The following C3orf20 variants were observed in gnomAD, a reference collection of about 807,000 sequenced individuals.
C3orf20 encodes the protein family with sequence similarity 149 member C, also known as uncharacterized protein C3orf20.
C3orf20 carries 76 observed loss-of-function variants against 88.3 expected under a neutral mutation model. The ratio of observed to expected loss-of-function variants is 0.86; its 90% CI spans 0.72 to 1.04. The LOEUF is 1.04. Ranked by LOEUF, C3orf20 falls within the 50% of genes least tolerant of loss-of-function variation. The pLI, the probability that C3orf20 is intolerant of heterozygous loss-of-function variation, is 0.00. For missense variants in C3orf20, 1,056 were observed against 1,123.3 expected (o/e 0.94, Z 0.86); for synonymous variants, 436 against 437.4 (o/e 1.00, Z 0.04).
intron 1 of C3orf20, among the ~76,000 whole-genome samples, chr3:14,677,211 T>G (rs867893661): frequency 2.0e-5 from 3 of 152,324 alleles, no homozygotes; most frequent in South Asian, 2.1e-4. Flanking sequence ...CTTAGTTTGA[T>G]TGTCTTCTTA....
intron 12 of C3orf20, among the ~76,000 whole-genome samples, chr3:14,739,461 C>T (rs562422544): frequency 2.0e-5 from 3 of 152,274 alleles, no homozygotes; most frequent in Admixed American, 1.3e-4. Context: ...CTTCATTGTT[C>T]CATTTATATA....
intron 15 of C3orf20, among the ~76,000 whole-genome samples, chr3:14,766,698 G>A (rs1399099719): frequency 6.6e-6 from 1 of 152,234 alleles, no homozygotes; most frequent in East Asian, 1.9e-4. Flanking sequence ...GACTGGACTT[G>A]TGACAGTGGT....
chr3:14,771,183 G>A (rs2035850455), intron 15 of C3orf20, among the ~76,000 whole-genome samples: 1 of 152,244 alleles, frequency 6.6e-6, no homozygotes, highest in Admixed American at 6.5e-5. Context: ...GTGAAGTTAT[G>A]AGAACACAGC....
intron 1 of C3orf20, among the ~76,000 whole-genome samples, chr3:14,679,481 G>A (rs2031964181): frequency 6.6e-6 from 1 of 152,206 alleles, no homozygotes; most frequent in Non-Finnish European, 1.5e-5. Context: ...TTGAGTGCTG[G>A]TGTGGGTGCC....
In C3orf20 at chr3:14,736,835, G is replaced by A. The variant is rs375679044; in HGVS notation, c.1940+8147G>A. Among the ~76,000 whole-genome samples the A allele has an allele frequency of 1.2e-4, 18 of 152,120 alleles. No homozygotes were observed. In the East Asian group the frequency reaches 1.4e-3, roughly 11 times the overall value. On this transcript the variant is annotated intron_variant, in intron 12 of 16. Transcript: ENST00000253697. The stretch of plus-strand genomic sequence containing the variant: ...ACCTGCCTCAGCCTCCCAAAGTGCT[G>A]AGATTACAGGTGTGAGCCACTGTGC...
At chr3:14,750,644 A>G (rs2035193134) in intron 12 of C3orf20, among the ~76,000 whole-genome samples, 1 of 151,610 alleles carries the variant, frequency 6.6e-6, no homozygotes, top group East Asian at 1.9e-4. Context: ...ACTGCCTTCT[A>G]GCAGCCAAAA....
intron 15 of C3orf20, among the ~76,000 whole-genome samples, chr3:14,763,047 T>G (rs1223452918): frequency 6.6e-6 from 1 of 152,072 alleles, no homozygotes; most frequent in African/African-American, 2.4e-5. Context: ...GGGAGAGGGC[T>G]TGGTGGTCCT....
At chr3:14,726,739 G>T (rs1382293315) in intron 10 of C3orf20, among the ~76,000 whole-genome samples, 162 bp from the exon 11 acceptor site, 1 of 152,192 alleles carries the variant, frequency 6.6e-6, no homozygotes, top group East Asian at 1.9e-4. Flanking sequence ...CTGTGTGCAG[G>T]AACTCACTGG....
intron 9 of C3orf20, among the ~76,000 whole-genome samples, chr3:14,719,692 G>A (rs2124970984): frequency 6.6e-6 from 1 of 152,280 alleles, no homozygotes; most frequent in African/African-American, 2.4e-5. Context: ...GTTTGGGGGA[G>A]AGAAAGAAAA....
chr3:14,728,700 C>T lies in C3orf20; in HGVS notation c.1940+12C>T. On this transcript the variant is annotated intron_variant, in intron 12 of 16. Coordinates refer to ENST00000253697, the MANE Select transcript of C3orf20 (RefSeq NM_032137.5). ...AAGGTCACATCCAGGTTGGCTTGGT[C>T]CTTCACGTCTTCCGCAGCATCGGGT... 1 of 1,611,748 alleles carries T rather than the reference C, an allele frequency of 6.2e-7. No individual in the cohort carries two copies.
chr3:14,703,401 GTA>G lies in C3orf20; in HGVS notation c.878+140_878+141del. On this transcript the variant is annotated intron_variant, in intron 6 of 16. Coordinates refer to ENST00000253697, the MANE Select transcript of C3orf20 (RefSeq NM_032137.5). Reference sequence around the variant, plus strand: ...GCCACCTGGGAGCGTGGGTTATGTGGTACTCCCCACGACAGCCACAGGTGCAG... The same window carrying G: ...GCCACCTGGGAGCGTGGGTTATGTGGCTCCCCACGACAGCCACAGGTGCAG... The G allele has an allele frequency of 5.0e-6, 7 of 1,397,372 alleles. No individual in the cohort carries two copies. In the South Asian group the frequency reaches 9.3e-5, roughly 19 times the overall value. The allele number at this position is 1,397,372 out of a possible 1,614,324, so 86.6% of individuals were successfully genotyped here.
At chr3:14,736,197 A>G (rs1033121804) in intron 12 of C3orf20, among the ~76,000 whole-genome samples, 2 of 151,706 alleles carry the variant, frequency 1.3e-5, no homozygotes, top group Admixed American at 6.6e-5. Context: ...TCATGCTTCC[A>G]TTTGGGATCA....
chr3:14,732,200 T>C (rs1052013707), intron 12 of C3orf20, among the ~76,000 whole-genome samples: 1 of 152,258 alleles, frequency 6.6e-6, no homozygotes, highest in Admixed American at 6.5e-5. Flanking sequence ...AGACATGTGG[T>C]AATATCCCAT....
At chr3:14,704,210 G>T in intron 6 of C3orf20, 127 bp from the exon 7 acceptor site, 1 of 942,100 alleles carries the variant, frequency 1.1e-6, no homozygotes. Context: ...AGCATGGGTT[G>T]GGGATGTGTA....
At chr3:14,750,634 A>G (rs2035192899) in intron 12 of C3orf20, among the ~76,000 whole-genome samples, 1 of 151,476 alleles carries the variant, frequency 6.6e-6, no homozygotes, top group Non-Finnish European at 1.5e-5. Context: ...ATGTCCGCCC[A>G]CTGCCTTCTA....
chr3:14,750,998 C>A (rs1452500934), intron 12 of C3orf20, among the ~76,000 whole-genome samples: 6 of 152,008 alleles, frequency 3.9e-5, no homozygotes, highest in Admixed American at 3.9e-4. Flanking sequence ...ATTCTTTTTT[C>A]TTTCTACTCC....
chr3:14,769,192 C>T (rs934865821), intron 15 of C3orf20, among the ~76,000 whole-genome samples: 1 of 151,898 alleles, frequency 6.6e-6, no homozygotes, highest in African/African-American at 2.4e-5. Context: ...GCAGAGGGGA[C>T]GGTGGAGGAA....
Position 14,721,726 on chromosome 3 carries a change from C to G in C3orf20, c.1508C>G (p.Thr503Arg). 1.2e-6 allele frequency: 2 copies of G among 1,614,214 alleles called. No homozygotes were observed. The highest frequency in any genetic ancestry group is 1.7e-6 in the Non-Finnish European group (2 of 1,180,038). Reference protein sequence around the residue: ...ITVTFTSLNETVTLTVSANNC... With the variant: ...ITVTFTSLNERVTLTVSANNC... ...GTCACCTTCACCTCCCTGAATGAGA[C>G]AGTAACACTCACTGTGTCGGCCAAC... The change falls in exon 10 of 17, where the codon ACA becomes AGA. Residue 503 changes from threonine (T) to arginine (R), a missense_variant. Physicochemically the swap from Thr to Arg is moderately conservative, Grantham distance 71. Transcript: ENST00000253697.
intron 15 of C3orf20, chr3:14,765,035 A>G (rs1305832248): frequency 1.3e-5 from 2 of 152,270 alleles, no homozygotes; most frequent in Non-Finnish European, 2.9e-5. Context: ...GGCCGGCCGC[A>G]TCACCTGGAT....
Sources: gnomAD v4.1 joint callset for allele counts (sites outside exome capture counted in the v4.1 genomes callset) on GRCh38, gnomAD v4.1.1 for gene constraint, MANE v1.5 for transcripts, NCBI Gene and HGNC (gene_info 2026-07-23, HGNC 2026-07-21) for gene names.